SDC2: variants seen among roughly 807,000 people sequenced by gnomAD.
SDC2 encodes the protein syndecan-2.
SDC2 carries 13 observed loss-of-function variants against 22.2 expected under a neutral mutation model. That is an observed-to-expected ratio of 0.59 (90% confidence interval 0.38 to 0.93). The LOEUF is 0.93. Ranked by LOEUF, SDC2 falls within the 40% of genes least tolerant of loss-of-function variation. The pLI is 0.00. For missense variants in SDC2, 235 were observed against 246.8 expected, an observed-to-expected ratio of 0.95 and a Z score of 0.32; for synonymous variants, 94 against 92.8, an observed-to-expected ratio of 1.01 and a Z score of -0.07.
At chr8:96,603,126 G>T (rs1815021408) in intron 3 of SDC2, among the ~76,000 whole-genome samples, 1 of 152,202 alleles carries the variant, frequency 6.6e-6, no homozygotes, top group Admixed American at 6.5e-5. Flanking sequence ...TGGAGCTTGT[G>T]ATTTTGACCT....
At chr8:96,587,079 C>T (rs772828973) in intron 1 of SDC2, among the ~76,000 whole-genome samples, 9 of 152,204 alleles carry the variant, frequency 5.9e-5, no homozygotes, top group Non-Finnish European at 1.0e-4. Flanking sequence ...CCTGCTACCA[C>T]GCCTGGCTAA....
intron 1 of SDC2, among the ~76,000 whole-genome samples, chr8:96,518,098 T>A (rs1813434749): frequency 6.6e-6 from 1 of 152,162 alleles, no homozygotes; most frequent in South Asian, 2.1e-4. Context: ...GGCCTAGCCC[T>A]GACAGTGAGG....
At chr8:96,520,132 A>G (rs1410089819) in intron 1 of SDC2, among the ~76,000 whole-genome samples, 1 of 152,232 alleles carries the variant, frequency 6.6e-6, no homozygotes, top group African/African-American at 2.4e-5. Context: ...AATCCAGCCA[A>G]TGAAACTGTA....
chr8:96,511,397 C>A (rs1813326003), intron 1 of SDC2, among the ~76,000 whole-genome samples: 1 of 152,172 alleles, frequency 6.6e-6, no homozygotes, highest in African/African-American at 2.4e-5. Context: ...TCAAACCCCA[C>A]CTGAGACTTA....
chr8:96,564,806 C>T (rs1028535000), intron 1 of SDC2, among the ~76,000 whole-genome samples: 11 of 152,132 alleles, frequency 7.2e-5, no homozygotes, highest in Admixed American at 1.3e-4. Flanking sequence ...TGAAGTCTGC[C>T]GTGCCAGTGC....
At chr8:96,527,888 CATT>C (rs1813602831) in intron 1 of SDC2, among the ~76,000 whole-genome samples, 1 of 152,138 alleles carries the variant, frequency 6.6e-6, no homozygotes, top group African/African-American at 2.4e-5. Context: ...ATGTATATTA[CATT>C]ATATCATATA....
chr8:96,529,724 TC>T (rs1336761287), intron 1 of SDC2, among the ~76,000 whole-genome samples: 1 of 152,178 alleles, frequency 6.6e-6, no homozygotes, highest in African/African-American at 2.4e-5. Flanking sequence ...CCTCTCCATC[TC>T]CCTCCTTCAG....
At chr8:96,562,281 C>T (rs531232954) in intron 1 of SDC2, among the ~76,000 whole-genome samples, 1 of 152,230 alleles carries the variant, frequency 6.6e-6, no homozygotes, top group Non-Finnish European at 1.5e-5. Context: ...ATTGCCTTTG[C>T]TCCTTTGTCA....
rs771032664 is a variant in SDC2 at position 96,609,450 on chromosome 8, C to T, written c.508C>T (p.Arg170Cys). 3 of 1,613,358 alleles carry T rather than the reference C, an allele frequency of 1.9e-6. No individual in the cohort carries two copies. The highest frequency in any genetic ancestry group is 2.5e-6 in the Non-Finnish European group (3 of 1,179,652). Residue 170 changes from arginine (R) to cysteine (C), a missense_variant, in exon 5 of 5, where the codon CGC (arginine) becomes TGC (cysteine). Coordinates refer to ENST00000302190, the MANE Select transcript of SDC2 (RefSeq NM_002998.4). ...AIFLILLLVY[R>C]MRKKDEGSYD... is the part of the protein sequence containing the mutation. ...TTTTCTTATCCTGCTGTTGGTGTATCGCATGAGAAAGAAGGATGAAGGAAG... is the reference window on the plus strand; with the variant it reads ...TTTTCTTATCCTGCTGTTGGTGTATTGCATGAGAAAGAAGGATGAAGGAAG...
intron 1 of SDC2, among the ~76,000 whole-genome samples, chr8:96,556,286 C>T (rs906809957): frequency 6.6e-6 from 1 of 151,912 alleles, no homozygotes; most frequent in Non-Finnish European, 1.5e-5. Flanking sequence ...AATTATTCCT[C>T]CTCTTTTAGC....
At chr8:96,502,603 G>A (rs144510582) in intron 1 of SDC2, among the ~76,000 whole-genome samples, 2 of 152,076 alleles carry the variant, frequency 1.3e-5, no homozygotes, top group African/African-American at 4.8e-5. Context: ...GGTGCCTTCC[G>A]TTTGGTCCCT....
chr8:96,513,005 A>T (rs1813351256), intron 1 of SDC2, among the ~76,000 whole-genome samples: 1 of 152,082 alleles, frequency 6.6e-6, no homozygotes, highest in Admixed American at 6.6e-5. Flanking sequence ...TATACTTTAT[A>T]CTTAGTACTT....
At chr8:96,608,653 C>T (rs1289979793) in intron 4 of SDC2, among the ~76,000 whole-genome samples, 183 bp downstream of exon 4, 1 of 152,240 alleles carries the variant, frequency 6.6e-6, no homozygotes, top group African/African-American at 2.4e-5. Context: ...TCTGCCAGCT[C>T]CCTCAACCTA....
At chr8:96,603,726 A>C (rs1479689031) in intron 3 of SDC2, among the ~76,000 whole-genome samples, 1 of 152,166 alleles carries the variant, frequency 6.6e-6, no homozygotes, top group East Asian at 1.9e-4. Flanking sequence ...GCACCGCTGG[A>C]TGGGTTTCTG....
chr8:96,533,818 T>G (rs1459938288), intron 1 of SDC2, among the ~76,000 whole-genome samples: 1 of 152,232 alleles, frequency 6.6e-6, no homozygotes, highest in Non-Finnish European at 1.5e-5. Context: ...CAGGTGGAGC[T>G]GCCTGCCAGT....
chr8:96,592,060 TGCAGCACACTCTTG>T (rs2130630789), intron 1 of SDC2, among the ~76,000 whole-genome samples: 1 of 152,320 alleles, frequency 6.6e-6, no homozygotes, highest in East Asian at 1.9e-4. Context: ...CTAGAAAAGT[TGCAGCACACTCTTG>T]GCTCAGGGTG....
At chr8:96,590,546 C>T (rs771795396) in intron 1 of SDC2, among the ~76,000 whole-genome samples, 20 of 152,166 alleles carry the variant, frequency 1.3e-4, no homozygotes, top group Admixed American at 3.3e-4. Context: ...AATCATTTCC[C>T]GTCCTAGGCA....
intron 3 of SDC2, among the ~76,000 whole-genome samples, chr8:96,607,402 T>G (rs1586329316): frequency 6.6e-6 from 1 of 152,088 alleles, no homozygotes; most frequent in Non-Finnish European, 1.5e-5. Flanking sequence ...GGAGGCAAAT[T>G]GACAGTGCTG....
intron 1 of SDC2, among the ~76,000 whole-genome samples, chr8:96,514,829 C>T (rs1813378045): frequency 6.6e-6 from 1 of 152,036 alleles, no homozygotes; most frequent in Non-Finnish European, 1.5e-5. Context: ...GGAGTGCAGG[C>T]GGTAATGAGA....
Sources: gnomAD v4.1 joint callset for allele counts (sites outside exome capture counted in the v4.1 genomes callset) on GRCh38, gnomAD v4.1.1 for gene constraint, MANE v1.5 for transcripts, NCBI Gene and HGNC (gene_info 2026-07-23, HGNC 2026-07-21) for gene names.